Variants in NBPF20 observed in about 807,000 individuals in gnomAD.
NBPF20 encodes the protein NBPF family member NBPF20.
A neutral mutation model predicts 68.1 loss-of-function variants in NBPF20; 90 were observed. The observed-to-expected ratio is 1.32, with a 90% CI of 1.11 to 1.58. The LOEUF is 1.58. Among genes scored for constraint, NBPF20 ranks in the 40% most tolerant of loss-of-function variants. NBPF20 has a pLI of 0.00. For synonymous variants in NBPF20, 290 were observed against 228.1 expected, an observed-to-expected ratio of 1.27 and a Z score of -2.45; for missense variants, 816 against 601.2, an observed-to-expected ratio of 1.36 and a Z score of -3.74.
At chr1:145,309,557 G>C (rs1319810406) in intron 115 of NBPF20, among the ~76,000 whole-genome samples, 1 of 58,180 alleles carries the variant, frequency 1.7e-5, no homozygotes, top group Admixed American at 1.9e-4. Flanking sequence ...GGAGTAACAG[G>C]ACACTCTGAG....
exon 2 of NBPF20, chr1:145,405,247 G>C (rs1327452787): frequency 1.9e-6 from 3 of 1,610,488 alleles, no homozygotes; most frequent in Non-Finnish European, 2.5e-6. Context: ...CTTCTCGCTG[G>C]ACCAAGGGCC....
chr1:145,404,524 TGAGATTA>T (rs1662678481), intron 2 of NBPF20, among the ~76,000 whole-genome samples: 1 of 152,126 alleles, frequency 6.6e-6, no homozygotes, highest in Admixed American at 6.5e-5. Context: ...CCCAAAGTGC[TGAGATTA>T]CAGGAGTGAG....
intron 7 of NBPF20, among the ~76,000 whole-genome samples, chr1:145,396,458 C>T (rs1220414946): frequency 6.6e-6 from 1 of 150,482 alleles, no homozygotes; most frequent in Admixed American, 6.6e-5. Context: ...ACTTCCCCAA[C>T]CTAGCAAGGA....
chr1:145,423,228 T>C, the NBPF20 span, among the ~76,000 whole-genome samples: 3 of 150,120 alleles, frequency 2.0e-5, no homozygotes, highest in East Asian at 2.0e-4. Context: ...CACCTGAGCC[T>C]AGGAATTCCA....
chr1:145,399,254 TG>T lies in NBPF20; in HGVS notation c.776-155del, dbSNP rs1662397529. Among the ~76,000 whole-genome samples, 3 of 152,188 alleles carry T rather than the reference TG, an allele frequency of 2.0e-5. No homozygotes were observed. The South Asian group carries it at 6.2e-4, about 32-fold the overall frequency. On this transcript the variant is annotated intron_variant, in intron 6 of 137. Transcript: ENST00000369373. The stretch of plus-strand genomic sequence containing the variant: ...ATTCTAGGGTGTCCTAGATTAACTT[TG>T]GTGAGAATTAGATAACCCTGCTTTC...
intron 3 of NBPF20, 27 bp downstream of exon 8, chr1:145,403,189 C>T: frequency 1.2e-6 from 2 of 1,612,154 alleles, no homozygotes; most frequent in Non-Finnish European, 1.7e-6. Context: ...ACCTGCCCCC[C>T]TGCCTGCCAC....
At chr1:145,423,346 G>C in the NBPF20 span, among the ~76,000 whole-genome samples, 1 of 151,278 alleles carries the variant, frequency 6.6e-6, no homozygotes, top group Non-Finnish European at 1.5e-5. Flanking sequence ...GGCTGAGGCA[G>C]GAGGATCACC....
chr1:145,419,693 C>G, the NBPF20 span, among the ~76,000 whole-genome samples: 3 of 152,096 alleles, frequency 2.0e-5, no homozygotes, highest in Non-Finnish European at 1.5e-5. Flanking sequence ...GAGAAGGATA[C>G]AAACAGGCCA....
intron 112 of NBPF20, among the ~76,000 whole-genome samples, chr1:145,311,969 G>C (rs1212976085): frequency 1.1e-5 from 1 of 92,174 alleles, no homozygotes; most frequent in Non-Finnish European, 2.1e-5. Context: ...CCAACGTCAT[G>C]AGAGTAGGAT....
upstream of NBPF20, among the ~76,000 whole-genome samples, chr1:145,409,303 T>C (rs1284070388): frequency 6.6e-6 from 1 of 150,560 alleles, no homozygotes; most frequent in East Asian, 1.9e-4. Flanking sequence ...ATTTCTATCA[T>C]TCCGCGTTTG....
the NBPF20 span, among the ~76,000 whole-genome samples, chr1:145,414,993 G>A: frequency 5.9e-5 from 9 of 152,246 alleles, no homozygotes; most frequent in South Asian, 6.2e-4. Context: ...CCAGGGGACC[G>A]GCGTTCAGCA....
chr1:145,295,534 C>G, intron 133 of NBPF20, 33 bp downstream of exon 138: 1 of 184,716 alleles, frequency 5.4e-6, no homozygotes, highest in South Asian at 3.1e-5. Context: ...GGTGTCAACA[C>G]AGAATTAAGC....
intron 7 of NBPF20, among the ~76,000 whole-genome samples, chr1:145,397,386 C>T (rs1377790286): frequency 5.9e-5 from 9 of 152,206 alleles, no homozygotes; most frequent in South Asian, 2.1e-4. Context: ...GTCCCACCAA[C>T]AGTGTAAAAG....
At chr1:145,407,420 T>C (rs1237020307), upstream of NBPF20, among the ~76,000 whole-genome samples, 8 of 147,018 alleles carry the variant, frequency 5.4e-5, no homozygotes, top group Admixed American at 4.8e-4. Context: ...CATATATACA[T>C]GTATACACGT....
At chr1:145,400,950 C>A in intron 5 of NBPF20, 109 bp downstream of exon 10, 2 of 1,346,486 alleles carry the variant, frequency 1.5e-6, no homozygotes, top group South Asian at 1.2e-5. Context: ...CATACTGTGG[C>A]CAAGCAAATG....
At chr1:145,408,607 T>C (rs1662898903), upstream of NBPF20, among the ~76,000 whole-genome samples, 1 of 151,840 alleles carries the variant, frequency 6.6e-6, no homozygotes, top group African/African-American at 2.4e-5. Flanking sequence ...TCTAGGTTCT[T>C]TGATTTTCAA....
At chr1:145,408,029 C>T (rs1202657512), upstream of NBPF20, 2 of 176,568 alleles carry the variant, frequency 1.1e-5, no homozygotes, top group South Asian at 1.3e-4. Flanking sequence ...TGAAGAGCAT[C>T]GGTGGAGCCC....
At chr1:145,400,650 C>T (rs1662479430) in intron 5 of NBPF20, 56 bp from the exon 11 acceptor site, 3 of 1,560,036 alleles carry the variant, frequency 1.9e-6, no homozygotes, top group African/African-American at 1.4e-5. Flanking sequence ...GGGATTGGAC[C>T]CCAGGGAGTC....
At chr1:145,394,083 G>A (rs1430879781) in intron 8 of NBPF20, 148 bp from the exon 14 acceptor site, 19 of 640,432 alleles carry the variant, frequency 3.0e-5, no homozygotes, top group Non-Finnish European at 5.0e-5. Flanking sequence ...GTAGGCCTGA[G>A]GTCAAGTCTT....
Sources: gnomAD v4.1 joint callset for allele counts (sites outside exome capture counted in the v4.1 genomes callset) on GRCh38, gnomAD v4.1.1 for gene constraint, MANE v1.5 for transcripts, NCBI Gene and HGNC (gene_info 2026-07-23, HGNC 2026-07-21) for gene names.